The following PEAK1 variants were observed in gnomAD, a reference collection of about 807,000 sequenced individuals.
PEAK1 encodes pseudopodium enriched atypical kinase 1.
A neutral mutation model predicts 124.7 loss-of-function variants in PEAK1; 54 were observed. That is an observed-to-expected ratio of 0.43 (90% CI 0.35 to 0.54). The LOEUF (loss-of-function observed/expected upper bound fraction) is 0.54, where lower values mean the gene tolerates loss of function less well. Among genes scored for constraint, PEAK1 ranks in the 20% least tolerant of loss-of-function variants. The pLI is 0.01. For missense variants in PEAK1, 2,046 were observed against 2,134.5 expected (o/e 0.96, Z 0.82); for synonymous variants, 719 against 760.0 (o/e 0.95, Z 0.89).
intron 2 of PEAK1, among the ~76,000 whole-genome samples, chr15:77,364,383 C>T (rs1477218157): frequency 1.3e-5 from 2 of 152,052 alleles, no homozygotes; most frequent in East Asian, 3.8e-4. Flanking sequence ...ATCTAGACCA[C>T]TATTGCTCTG....
At chr15:77,152,576 A>AT (rs1392253536) in intron 8 of PEAK1, among the ~76,000 whole-genome samples, 2 of 152,176 alleles carry the variant, frequency 1.3e-5, no homozygotes, top group African/African-American at 4.8e-5. Context: ...CAGTTTTCAA[A>AT]GGGAATGCTT....
chr15:77,416,083 C>T (rs1386070177), intron 1 of PEAK1, among the ~76,000 whole-genome samples: 1 of 152,212 alleles, frequency 6.6e-6, no homozygotes, highest in Non-Finnish European at 1.5e-5. Flanking sequence ...TAAAAGACAT[C>T]CTAATCACCA....
At chr15:77,361,730 A>G (rs542515128) in intron 2 of PEAK1, among the ~76,000 whole-genome samples, 1 of 152,320 alleles carries the variant, frequency 6.6e-6, no homozygotes, top group Non-Finnish European at 1.5e-5. Flanking sequence ...CAGTGAATCT[A>G]TCCAAAGACA....
chr15:77,119,085 G>C (rs2051668142), intron 9 of PEAK1, among the ~76,000 whole-genome samples: 1 of 81,714 alleles, frequency 1.2e-5, no homozygotes, highest in Admixed American at 1.2e-4. Flanking sequence ...ATACACCATA[G>C]GGCCTCTTTC....
chr15:77,322,659 T>G (rs1022532088), intron 2 of PEAK1, among the ~76,000 whole-genome samples: 9 of 152,004 alleles, frequency 5.9e-5, no homozygotes, highest in Middle Eastern at 3.2e-3. Context: ...CCAAAAAAAG[T>G]CCAGGACCAG....
intron 6 of PEAK1, among the ~76,000 whole-genome samples, chr15:77,206,708 T>C (rs1220236315): frequency 6.6e-6 from 1 of 151,662 alleles, no homozygotes; most frequent in African/African-American, 2.4e-5. Context: ...TTTGAGTTCA[T>C]TGTAGATTCT....
chr15:77,158,525 A>G lies in PEAK1; in HGVS notation c.3309T>C (p.Cys1103=), dbSNP rs1314197361. Residue 1103 remains cysteine (C), a synonymous_variant, in exon 8 of 10, where the codon TGT becomes TGC. Coordinates refer to ENST00000682557, the MANE Select transcript of PEAK1 (RefSeq NM_001385026.1). ...TACCTAAGTTGCTGTATGTTGCACT[A>G]CAAGGGTTCGGGTCCATAGGATCTG... ...DISDPMDPNP[C]SATYSNLGQS... is the part of the protein sequence containing the mutation. 6.2e-7 allele frequency: 1 copy of G among 1,614,060 alleles called. No homozygotes were observed. The highest frequency in any genetic ancestry group is 1.3e-5 in the African/African-American group (1 of 74,952).
chr15:77,243,897 G>T (rs887362838), intron 6 of PEAK1, among the ~76,000 whole-genome samples: 2 of 152,168 alleles, frequency 1.3e-5, no homozygotes, highest in African/African-American at 2.4e-5. Context: ...GAACTTGAGA[G>T]GGGGAGGTTG....
At chr15:77,360,488 T>C (rs930587175) in intron 2 of PEAK1, among the ~76,000 whole-genome samples, 3 of 152,228 alleles carry the variant, frequency 2.0e-5, no homozygotes, top group Non-Finnish European at 2.9e-5. Flanking sequence ...CCAGCCAATA[T>C]ATATACACAT....
intron 2 of PEAK1, among the ~76,000 whole-genome samples, chr15:77,362,742 C>T (rs1161165505): frequency 6.6e-6 from 1 of 151,050 alleles, no homozygotes; most frequent in Non-Finnish European, 1.5e-5. Flanking sequence ...TTCATAATAG[C>T]CAAAAAAGTG....
At chr15:77,182,346 TCCA>T (rs946448441) in intron 6 of PEAK1, among the ~76,000 whole-genome samples, 5 of 152,124 alleles carry the variant, frequency 3.3e-5, no homozygotes, top group African/African-American at 1.2e-4. Flanking sequence ...CCTTCTGTTA[TCCA>T]CCAATTTCTC....
intron 8 of PEAK1, among the ~76,000 whole-genome samples, chr15:77,154,482 T>A (rs1171274809): frequency 2.6e-5 from 4 of 152,248 alleles, no homozygotes; most frequent in African/African-American, 9.6e-5. Context: ...TTAGCCCATT[T>A]ATATTTAAAG....
chr15:77,378,556 C>T (rs1442171859), intron 1 of PEAK1, among the ~76,000 whole-genome samples: 1 of 152,120 alleles, frequency 6.6e-6, no homozygotes, highest in East Asian at 1.9e-4. Context: ...CCTTTGCTGA[C>T]ATACTAACAC....
chr15:77,161,859 G>A (rs550416342), intron 7 of PEAK1, among the ~76,000 whole-genome samples: 15 of 151,568 alleles, frequency 9.9e-5, no homozygotes, highest in South Asian at 8.4e-4. Flanking sequence ...CCAGCTACTC[G>A]GGAGGCTGAG....
intron 6 of PEAK1, among the ~76,000 whole-genome samples, chr15:77,211,444 A>C (rs2058899547): frequency 6.6e-6 from 1 of 152,192 alleles, no homozygotes; most frequent in Non-Finnish European, 1.5e-5. Flanking sequence ...CATGGAGGTG[A>C]GTTCAATTCT....
At chr15:77,188,362 C>T (rs2057654109) in intron 6 of PEAK1, among the ~76,000 whole-genome samples, 1 of 152,130 alleles carries the variant, frequency 6.6e-6, no homozygotes, top group African/African-American at 2.4e-5. Flanking sequence ...ACAAATGCAC[C>T]CCTGCAAAGC....
In PEAK1 at chr15:77,180,583, T is replaced by C. The variant is rs745880064; in HGVS notation, c.1344A>G (p.Val448=). 2 of 1,614,034 alleles carry C rather than the reference T, an allele frequency of 1.2e-6. No individual in the cohort carries two copies. The highest frequency in any genetic ancestry group is 1.7e-5 in the Admixed American group (1 of 59,996). ...CTTCTGTGGGGACAAGGTTTATGGTTACTGCTTGCCCAGCAACATCTGTAG... is the reference window on the plus strand; with the variant it reads ...CTTCTGTGGGGACAAGGTTTATGGTCACTGCTTGCCCAGCAACATCTGTAG... ...KASTDVAGQA[V]TINLVPTEEQ... The change falls in exon 7 of 10, where the codon GTA becomes GTG. Residue 448 remains valine (V), a synonymous_variant. Transcript: ENST00000682557.
In PEAK1 at chr15:77,346,486, A is replaced by C. The variant is rs998913196; in HGVS notation, c.-603+18677T>G. The C allele has an allele frequency of 5.2e-5, 51 of 985,258 alleles. No individual in the cohort carries two copies. In the African/African-American group the frequency reaches 8.7e-4, roughly 17 times the overall value. The allele number at this position is 985,258 out of a possible 1,614,324, so 61.0% of individuals were successfully genotyped here. A position where few individuals can be genotyped will look rare whatever the true frequency, so the allele number is the denominator to read the frequency against. On this transcript the variant is annotated intron_variant, in intron 2 of 9. Coordinates refer to ENST00000682557, the MANE Select transcript of PEAK1 (RefSeq NM_001385026.1). ...GGACTGAAGCAGCTGTTAGAAGCCAATTTTCCTACCTGCTAATTGCTTTTA... is the reference window on the plus strand; with the variant it reads ...GGACTGAAGCAGCTGTTAGAAGCCACTTTTCCTACCTGCTAATTGCTTTTA...
intron 2 of PEAK1, among the ~76,000 whole-genome samples, chr15:77,357,601 C>G (rs189911378): frequency 3.3e-5 from 5 of 152,170 alleles, no homozygotes; most frequent in African/African-American, 4.8e-5. Flanking sequence ...AAAAGTAGAA[C>G]AGTAAATTCT....
Sources: allele counts gnomAD v4.1 joint callset (sites outside exome capture counted in the v4.1 genomes callset), GRCh38; gene constraint gnomAD v4.1.1; transcripts MANE v1.5; gene names NCBI Gene and HGNC (gene_info 2026-07-23, HGNC 2026-07-21).